EPHA3: variants seen among roughly 807,000 people sequenced by gnomAD.
The protein encoded by EPHA3 is ephrin type-A receptor 3.
Under a neutral mutation model 107.1 loss-of-function variants are expected in EPHA3, and 42 were observed. The observed-to-expected ratio is 0.39, with a 90% confidence interval of 0.31 to 0.51. EPHA3 has a LOEUF of 0.51. EPHA3 is among the 20% of genes least tolerant of loss of function. EPHA3 has a pLI of 0.78. For missense variants in EPHA3, 1,183 were observed against 1,211.2 expected (o/e 0.98, Z 0.35); for synonymous variants, 461 against 424.8 (o/e 1.09, Z -1.05).
At chr3:89,255,747 A>C (rs1705269850) in intron 3 of EPHA3, among the ~76,000 whole-genome samples, 1 of 151,990 alleles carries the variant, frequency 6.6e-6, no homozygotes, top group Admixed American at 6.6e-5. Flanking sequence ...GTAAAAATAC[A>C]AAAATTAGCC....
At position 89,481,581 on chromosome 3, in the gene EPHA3, G is replaced by T. The variant is rs1212030111; in HGVS notation, c.*2079G>T. The T allele has an allele frequency of 1.7e-5, 4 of 232,470 alleles. No homozygotes were observed. Among genetic ancestry groups the T allele is most frequent in the Non-Finnish European group, 3.4e-5 (4 of 117,476 alleles). The allele number at this position is 232,470 out of a possible 1,614,324, so 14.4% of individuals were successfully genotyped here. ...CCATGCATTTCATAAACTAATAGAAGTTGAGGATTGTTGAATCTATTTCAC... is the reference window on the plus strand; with the variant it reads ...CCATGCATTTCATAAACTAATAGAATTTGAGGATTGTTGAATCTATTTCAC... On this transcript the variant is annotated 3_prime_UTR_variant, in exon 17 of 17. Coordinates refer to ENST00000336596, the MANE Select transcript of EPHA3 (RefSeq NM_005233.6).
At chr3:89,429,044 T>C in intron 11 of EPHA3, 62 bp from the exon 12 acceptor site, 2 of 1,134,716 alleles carry the variant, frequency 1.8e-6, no homozygotes, top group Non-Finnish European at 2.6e-6. Context: ...CTATATTATA[T>C]ATGTTCATTG....
intron 5 of EPHA3, among the ~76,000 whole-genome samples, chr3:89,390,865 G>A (rs79098033): frequency 0.039 from 5,695 of 145,206 alleles, 129 homozygotes; most frequent in Non-Finnish European, 0.054. Flanking sequence ...CTGCTCACTT[G>A]CAACCTCCGC....
At chr3:89,321,015 T>TC (rs1707031014) in intron 3 of EPHA3, among the ~76,000 whole-genome samples, 1 of 151,890 alleles carries the variant, frequency 6.6e-6, no homozygotes, top group Admixed American at 6.6e-5. Context: ...CCTTTTTTTT[T>TC]CTCTCTCTCT....
At chr3:89,306,902 C>A (rs1706637634) in intron 3 of EPHA3, among the ~76,000 whole-genome samples, 1 of 152,086 alleles carries the variant, frequency 6.6e-6, no homozygotes. Context: ...TTCATGGTTT[C>A]TTTGGTTAGG....
intron 13 of EPHA3, among the ~76,000 whole-genome samples, chr3:89,435,932 GA>G (rs962756998): frequency 3.3e-5 from 5 of 150,326 alleles, no homozygotes; most frequent in African/African-American, 1.2e-4. Context: ...TAGCCTGGGG[GA>G]CAGAGTGAGA....
intron 13 of EPHA3, among the ~76,000 whole-genome samples, chr3:89,444,241 G>C (rs1295652653): frequency 6.6e-6 from 1 of 152,102 alleles, no homozygotes; most frequent in Non-Finnish European, 1.5e-5. Context: ...AGGCACTACT[G>C]CTACTACTTT....
At chr3:89,354,809 G>T (rs561533878) in intron 5 of EPHA3, among the ~76,000 whole-genome samples, 1 of 150,934 alleles carries the variant, frequency 6.6e-6, no homozygotes, top group African/African-American at 2.4e-5. Context: ...GTCCATGGCC[G>T]CACAACTCCA....
rs75332194 is a variant in EPHA3, at chr3:89,184,726, T to G, written c.154-25134T>G. On this transcript the variant is annotated intron_variant, in intron 2 of 16. Coordinates refer to ENST00000336596, the MANE Select transcript of EPHA3 (RefSeq NM_005233.6). ...AAGCAAAACTCTTGAAATGGATTCG[T>G]TTCAGCATTTTCTTCCCCACATCTA... Among the ~76,000 whole-genome samples the G allele has an allele frequency of 5.6e-3, 848 of 152,126 alleles. 4 individuals are homozygous for G. The highest frequency in any genetic ancestry group is 8.4e-3 in the Non-Finnish European group (571 of 67,944).
chr3:89,153,640 A>G (rs1446529158), intron 2 of EPHA3, among the ~76,000 whole-genome samples: 1 of 152,066 alleles, frequency 6.6e-6, no homozygotes, highest in Non-Finnish European at 1.5e-5. Flanking sequence ...CTTACCCACC[A>G]GCAATGCTAC....
At position 89,372,759 on chromosome 3, in the gene EPHA3, G is replaced by T. The variant is rs376887998; in HGVS notation, c.1307-23078G>T. Among the ~76,000 whole-genome samples the T allele has an allele frequency of 5.9e-5, 9 of 151,862 alleles. No individual in the cohort carries two copies. In the South Asian group the frequency reaches 1.9e-3, roughly 31 times the overall value. On this transcript the variant is annotated intron_variant, in intron 5 of 16. Transcript: ENST00000336596. ...GACTGTGGTTAACATTATTCTTGAT[G>T]AATGAGACAGTTACCTTAAAACATA...
Position 89,450,364 on chromosome 3 carries a change from C to T in EPHA3, c.2684C>T (p.Ala895Val), listed in dbSNP as rs141716319. The change falls in exon 15 of 17, where the codon GCC becomes GTC. Residue 895 changes from alanine to valine, a missense_variant. By Grantham distance (64) the Ala-to-Val change is moderately conservative (BLOSUM62 0). Transcript: ENST00000336596. Reference protein sequence around the residue: ...PGSLKIITSAAARPSNLLLDQ... With the variant: ...PGSLKIITSAVARPSNLLLDQ... ...AGCCTGAAGATCATCACCAGTGCAG[C>T]CGCAAGGTGACACATTCAATTTGTT... 5.6e-6 allele frequency: 9 copies of T among 1,610,400 alleles called. No homozygotes were observed. Among genetic ancestry groups the T allele is most frequent in the African/African-American group, 1.3e-5 (1 of 74,842 alleles).
At chr3:89,343,078 G>A (rs1258676567) in intron 5 of EPHA3, among the ~76,000 whole-genome samples, 1 of 152,168 alleles carries the variant, frequency 6.6e-6, no homozygotes, top group Non-Finnish European at 1.5e-5. Context: ...CTGGTCCCTA[G>A]TGGGAATCAC....
intron 3 of EPHA3, among the ~76,000 whole-genome samples, chr3:89,262,102 A>G (rs1705431004): frequency 6.6e-6 from 1 of 152,118 alleles, no homozygotes; most frequent in African/African-American, 2.4e-5. Flanking sequence ...AACTACTATC[A>G]AAAGGAACTC....
At chr3:89,293,014 C>T (rs191200263) in intron 3 of EPHA3, among the ~76,000 whole-genome samples, 1 of 152,152 alleles carries the variant, frequency 6.6e-6, no homozygotes, top group East Asian at 1.9e-4. Context: ...TTTGTATTGT[C>T]AGTCTTTTTA....
At chr3:89,171,911 T>C (rs1311211682) in intron 2 of EPHA3, among the ~76,000 whole-genome samples, 1 of 152,154 alleles carries the variant, frequency 6.6e-6, no homozygotes, top group Non-Finnish European at 1.5e-5. Flanking sequence ...AGCCTGACCA[T>C]AATCTTTCTA....
chr3:89,195,207 T>C lies in EPHA3; in HGVS notation c.154-14653T>C, dbSNP rs76216350. 2.8e-4 allele frequency among the ~76,000 whole-genome samples: 42 copies of C among 152,182 alleles called. No individual in the cohort carries two copies. The East Asian group carries it at 8.1e-3, about 29-fold the overall frequency. On this transcript the variant is annotated intron_variant, in intron 2 of 16. Transcript: ENST00000336596. ...TTATTAGATTCTACCCATATTAAAC[T>C]TTTGCTCCTCTTCTTTGCATAAGTT... is the stretch of plus-strand genomic sequence containing the variant.
intron 15 of EPHA3, among the ~76,000 whole-genome samples, chr3:89,460,509 G>T (rs1281567375): frequency 1.3e-5 from 2 of 151,056 alleles, no homozygotes; most frequent in African/African-American, 4.9e-5. Context: ...TTAACTTGCA[G>T]CATAGAAAGG....
intron 6 of EPHA3, among the ~76,000 whole-genome samples, chr3:89,397,356 G>A (rs1300804059): frequency 8.5e-5 from 13 of 152,072 alleles, no homozygotes; most frequent in Admixed American, 8.5e-4. Context: ...GATAGAATGG[G>A]CAAATATAAT....
Sources: allele counts gnomAD v4.1 joint callset (sites outside exome capture counted in the v4.1 genomes callset), GRCh38; gene constraint gnomAD v4.1.1; transcripts MANE v1.5; gene names NCBI Gene and HGNC (gene_info 2026-07-23, HGNC 2026-07-21).